Variants in GABRA2 observed in about 807,000 individuals in gnomAD.
GABRA2 encodes the protein gamma-aminobutyric acid receptor subunit alpha-2.
In GABRA2, 16 loss-of-function variants were observed where a neutral mutation model predicts 48.7. That is an observed-to-expected ratio of 0.33 (90% CI 0.22 to 0.50). The LOEUF is 0.50. GABRA2 is among the 20% of genes least tolerant of loss of function. GABRA2 has a pLI of 0.98. For synonymous variants in GABRA2, 185 were observed against 184.5 expected (o/e 1.00, Z -0.02); for missense variants, 275 against 535.6 (o/e 0.51, Z 4.80).
At chr4:46,276,707 A>T (rs1720580400) in intron 8 of GABRA2, among the ~76,000 whole-genome samples, 1 of 151,906 alleles carries the variant, frequency 6.6e-6, no homozygotes, top group Non-Finnish European at 1.5e-5. Context: ...TTTGGTGCTG[A>T]CCTGCTGTTT....
intron 4 of GABRA2, among the ~76,000 whole-genome samples, chr4:46,316,849 C>A (rs928808233): frequency 2.0e-5 from 3 of 151,990 alleles, no homozygotes; most frequent in Non-Finnish European, 4.4e-5. Context: ...CTGGGCTCAA[C>A]TGGCTTTTCT....
At chr4:46,289,918 T>TA (rs1371184240) in intron 8 of GABRA2, among the ~76,000 whole-genome samples, 10 of 146,504 alleles carry the variant, frequency 6.8e-5, no homozygotes, top group African/African-American at 1.3e-4. Flanking sequence ...TTTTTATTTT[T>TA]TTTTTTTTTT....
At chr4:46,369,357 A>T (rs865837772) in intron 3 of GABRA2, among the ~76,000 whole-genome samples, 1 of 152,168 alleles carries the variant, frequency 6.6e-6, no homozygotes, top group Non-Finnish European at 1.5e-5. Flanking sequence ...AAATGTTTCA[A>T]GTTAATTATT....
At chr4:46,305,468 C>G in intron 7 of GABRA2, 100 bp downstream of exon 7, 1 of 1,111,242 alleles carries the variant, frequency 9.0e-7, no homozygotes, top group Non-Finnish European at 1.3e-6. Context: ...GTTCTTGGAC[C>G]TCAAGAGCAA....
chr4:46,267,142 T>C (rs1238654405), intron 8 of GABRA2, among the ~76,000 whole-genome samples: 1 of 152,106 alleles, frequency 6.6e-6, no homozygotes, highest in African/African-American at 2.4e-5. Flanking sequence ...ATTTTCCTCA[T>C]TGTTTTTTCT....
chr4:46,304,281 C>T (rs1480151615), intron 7 of GABRA2, among the ~76,000 whole-genome samples: 2 of 152,164 alleles, frequency 1.3e-5, no homozygotes, highest in Non-Finnish European at 2.9e-5. Flanking sequence ...CAAGACTGAT[C>T]TTCTGGCCCA....
At chr4:46,375,241 A>T (rs1715516146) in intron 3 of GABRA2, among the ~76,000 whole-genome samples, 1 of 152,176 alleles carries the variant, frequency 6.6e-6, no homozygotes, top group Non-Finnish European at 1.5e-5. Context: ...ATATTTAAAC[A>T]TTAATTTTAT....
intron 8 of GABRA2, among the ~76,000 whole-genome samples, chr4:46,283,163 T>G (rs966372180): frequency 6.6e-6 from 1 of 152,170 alleles, no homozygotes; most frequent in Admixed American, 6.5e-5. Context: ...GAATAACGAT[T>G]TCTCAGATTC....
At chr4:46,275,554 T>C (rs1309656966) in intron 8 of GABRA2, among the ~76,000 whole-genome samples, 1 of 152,152 alleles carries the variant, frequency 6.6e-6, no homozygotes, top group East Asian at 1.9e-4. Flanking sequence ...ACCACTATTA[T>C]ATTCCAATTT....
intron 4 of GABRA2, among the ~76,000 whole-genome samples, chr4:46,313,283 T>G (rs1727991780): frequency 6.6e-6 from 1 of 151,838 alleles, no homozygotes; most frequent in South Asian, 2.1e-4. Flanking sequence ...TCATCTCCTG[T>G]TGCCAAAGAA....
chr4:46,310,120 G>T, intron 6 of GABRA2, 53 bp downstream of exon 6: 1 of 1,316,806 alleles, frequency 7.6e-7, no homozygotes, highest in Non-Finnish European at 1.1e-6. Context: ...CAGTGCTGCT[G>T]ACTTTCCCTG....
intron 3 of GABRA2, among the ~76,000 whole-genome samples, chr4:46,337,786 T>G (rs1578100215): frequency 6.6e-6 from 1 of 151,484 alleles, no homozygotes; most frequent in East Asian, 1.9e-4. Context: ...TGGAAAGGAG[T>G]AGGTTCAGTA....
intron 3 of GABRA2, among the ~76,000 whole-genome samples, chr4:46,350,543 C>G (rs991656065): frequency 3.3e-5 from 5 of 151,566 alleles, no homozygotes; most frequent in Non-Finnish European, 7.4e-5. Flanking sequence ...ATGCATCTAT[C>G]TATATATGTC....
chr4:46,303,637 A>G (rs200662431), intron 7 of GABRA2, 25 bp from the exon 8 acceptor site: 10 of 1,600,558 alleles, frequency 6.2e-6, no homozygotes, highest in Non-Finnish European at 8.6e-6. Flanking sequence ...TAAGAAGCTC[A>G]AGGAGTAATA....
At chr4:46,279,217 G>C (rs1721056625) in intron 8 of GABRA2, among the ~76,000 whole-genome samples, 1 of 151,970 alleles carries the variant, frequency 6.6e-6, no homozygotes, top group South Asian at 2.1e-4. Context: ...ATTTCCTATG[G>C]CTAACTACCT....
intron 6 of GABRA2, 21 bp downstream of exon 6, chr4:46,310,152 T>C: frequency 1.9e-6 from 3 of 1,594,122 alleles, no homozygotes; most frequent in Non-Finnish European, 2.6e-6. Context: ...CCAAAACATG[T>C]AACTTCATCC....
In GABRA2 at chr4:46,248,939, T is replaced by A. The variant is rs1040784283; in HGVS notation, c.*1369A>T. 2.6e-5 allele frequency: 4 copies of A among 151,376 alleles called. No homozygotes were observed. The highest frequency in any genetic ancestry group is 2.0e-4 in the Admixed American group (3 of 15,100). 9.4% of individuals were successfully genotyped at this position (151,376 alleles called of 1,614,324 possible). A position where few individuals can be genotyped will look rare whatever the true frequency, so the allele number is the denominator to read the frequency against. ...TTATTAGCATATTTCGGGGCATAAA[T>A]AATATTTTAAGATATTAAAAGAAAA... On this transcript the variant is annotated 3_prime_UTR_variant, in exon 10 of 10. Transcript: ENST00000381620.
In GABRA2 at chr4:46,312,707, T is replaced by C; in HGVS notation, c.265A>G (p.Ile89Val). 2 of 1,470,200 alleles carry C rather than the reference T, an allele frequency of 1.4e-6. No homozygotes were observed. Among genetic ancestry groups the C allele is most frequent in the Non-Finnish European group, 9.2e-7 (1 of 1,090,860 alleles). 91.1% of individuals were successfully genotyped at this position (1,470,200 alleles called of 1,614,324 possible). A position where few individuals can be genotyped will look rare whatever the true frequency, so the allele number is the denominator to read the frequency against. Residue 89 changes from isoleucine (I) to valine (V), a missense_variant, in exon 5 of 10, where the codon ATT becomes GTT. Transcript: ENST00000381620. ...PVSDTDMEYT[I>V]DVFFRQKWKD... ...CATTTTTGTCGAAAGAAAACATCAA[T>C]TGTATATTCCTGAAATAAAAAATAG...
intron 8 of GABRA2, among the ~76,000 whole-genome samples, chr4:46,263,264 A>C (rs1022138694): frequency 6.6e-6 from 1 of 152,100 alleles, no homozygotes; most frequent in Non-Finnish European, 1.5e-5. Context: ...TGAGGAAGAT[A>C]TGGGGCATTA....
Sources: gnomAD v4.1 joint callset for allele counts (sites outside exome capture counted in the v4.1 genomes callset) on GRCh38, gnomAD v4.1.1 for gene constraint, MANE v1.5 for transcripts, NCBI Gene and HGNC (gene_info 2026-07-23, HGNC 2026-07-21) for gene names.